The following PALLD variants were observed in gnomAD, a reference collection of about 807,000 sequenced individuals.
PALLD encodes palladin.
PALLD carries 61 observed loss-of-function variants against 123.5 expected under a neutral mutation model. That is an observed-to-expected ratio of 0.49 (90% CI 0.40 to 0.61). The LOEUF is 0.61. Ranked by LOEUF, PALLD falls within the 20% of genes least tolerant of loss-of-function variation. PALLD has a pLI of 0.00. For synonymous variants in PALLD, 465 were observed against 496.4 expected, an observed-to-expected ratio of 0.94 and a Z score of 0.84; for missense variants, 1,273 against 1,377.0, an observed-to-expected ratio of 0.92 and a Z score of 1.20.
At chr4:168,820,910 A>G (rs992928899) in intron 10 of PALLD, among the ~76,000 whole-genome samples, 1 of 152,230 alleles carries the variant, frequency 6.6e-6, no homozygotes, top group Non-Finnish European at 1.5e-5. Context: ...ATGTCATACC[A>G]GTGAAGGAAT....
At chr4:168,592,781 G>C (rs552578149) in intron 2 of PALLD, among the ~76,000 whole-genome samples, 15 of 151,392 alleles carry the variant, frequency 9.9e-5, no homozygotes, top group Non-Finnish European at 1.5e-4. Context: ...TTCTAACTTA[G>C]CCTGCTTGTC....
At chr4:168,599,393 C>A (rs1245785196) in intron 2 of PALLD, among the ~76,000 whole-genome samples, 5 of 152,088 alleles carry the variant, frequency 3.3e-5, no homozygotes, top group African/African-American at 4.8e-5. Context: ...GCAGCATGTA[C>A]CAAAATTTAG....
chr4:168,714,833 TG>T (rs2150228564), intron 10 of PALLD, among the ~76,000 whole-genome samples: 1 of 151,526 alleles, frequency 6.6e-6, no homozygotes, highest in Non-Finnish European at 1.5e-5. Flanking sequence ...GTCAGATGTC[TG>T]GGGGAAAGAA....
chr4:168,921,066 T>G (rs1464676643), intron 17 of PALLD, among the ~76,000 whole-genome samples: 1 of 151,944 alleles, frequency 6.6e-6, no homozygotes, highest in African/African-American at 2.4e-5. Flanking sequence ...AAGCCAAAGT[T>G]TAAAGCAAAA....
intron 1 of PALLD, among the ~76,000 whole-genome samples, chr4:168,499,961 A>G (rs539133330): frequency 6.6e-6 from 1 of 152,336 alleles, no homozygotes; most frequent in Non-Finnish European, 1.5e-5. Context: ...TTTTTAAAGT[A>G]ATTTCCTATA....
intron 11 of PALLD, among the ~76,000 whole-genome samples, chr4:168,892,139 C>CT (rs1560867855): frequency 6.6e-6 from 1 of 152,078 alleles, no homozygotes; most frequent in Non-Finnish European, 1.5e-5. Context: ...TGATGCTATC[C>CT]TTTTAAAATA....
chr4:168,837,876 A>G (rs763063735), intron 10 of PALLD, among the ~76,000 whole-genome samples: 9 of 152,216 alleles, frequency 5.9e-5, no homozygotes, highest in Non-Finnish European at 1.3e-4. Context: ...CTTATATGCC[A>G]GTGGAAAGAG....
At chr4:168,600,803 G>C (rs1772566407) in intron 2 of PALLD, among the ~76,000 whole-genome samples, 1 of 152,092 alleles carries the variant, frequency 6.6e-6, no homozygotes, top group African/African-American at 2.4e-5. Flanking sequence ...TACCAACAGG[G>C]CACAAGAGAC....
chr4:168,922,128 CA>C (rs1761700623), intron 18 of PALLD, among the ~76,000 whole-genome samples: 2 of 150,490 alleles, frequency 1.3e-5, no homozygotes, highest in Middle Eastern at 3.5e-3. Context: ...CACACACACA[CA>C]CACACACACA....
At chr4:168,797,015 G>A (rs2150652946) in intron 10 of PALLD, among the ~76,000 whole-genome samples, 1 of 152,148 alleles carries the variant, frequency 6.6e-6, no homozygotes, top group Non-Finnish European at 1.5e-5. Context: ...AATTTTACTT[G>A]TTTTATTTCC....
At chr4:168,504,453 G>C (rs1561182181) in intron 1 of PALLD, among the ~76,000 whole-genome samples, 1 of 152,100 alleles carries the variant, frequency 6.6e-6, no homozygotes, top group Admixed American at 6.5e-5. Context: ...AATCAGCTGG[G>C]AGTGGTGGCA....
chr4:168,923,181 A>G (rs1761923976), intron 18 of PALLD, among the ~76,000 whole-genome samples: 1 of 152,258 alleles, frequency 6.6e-6, no homozygotes. Flanking sequence ...GGAGCCCCAG[A>G]AAGAATACAA....
At chr4:168,793,332 TATATATGTGTGCATATATATAC>T (rs1455774847) in intron 10 of PALLD, among the ~76,000 whole-genome samples, 1 of 77,284 alleles carries the variant, frequency 1.3e-5, no homozygotes, top group African/African-American at 5.2e-5. Flanking sequence ...TATATATACA[TATATATGTGTGCATATATATAC>T]ATATATGTGT....
At chr4:168,578,160 A>G (rs1052430117) in intron 2 of PALLD, among the ~76,000 whole-genome samples, 1 of 152,078 alleles carries the variant, frequency 6.6e-6, no homozygotes, top group Non-Finnish European at 1.5e-5. Flanking sequence ...AGGGTCAGCA[A>G]TTTCCCTGGA....
At chr4:168,812,954 G>A (rs945152127) in intron 10 of PALLD, among the ~76,000 whole-genome samples, 2 of 151,266 alleles carry the variant, frequency 1.3e-5, no homozygotes, top group South Asian at 2.1e-4. Flanking sequence ...ATTCATCAGC[G>A]AGATCCCAGG....
intron 10 of PALLD, among the ~76,000 whole-genome samples, chr4:168,712,876 T>G (rs2150218654): frequency 6.6e-6 from 1 of 152,306 alleles, no homozygotes; most frequent in Admixed American, 6.5e-5. Context: ...TAGCCTACTC[T>G]TTTCTCTCTG....
Position 168,850,523 on chromosome 4 carries a change from C to CTTTTTTTTT in PALLD, c.1965-40379_1965-40371dup, listed in dbSNP as rs767777801. The stretch of plus-strand genomic sequence containing the variant: ...TATATAATTTGTAAGTCTGTCATTT[C>CTTTTTTTTT]TTTTTTTTTTTTTTTTTTTTTTTTT... On this transcript the variant is annotated intron_variant, in intron 10 of 21. Coordinates refer to ENST00000505667, the MANE Select transcript of PALLD (RefSeq NM_001166108.2). Among the ~76,000 whole-genome samples, 187 of 34,710 alleles carry CTTTTTTTTT rather than the reference C, an allele frequency of 5.4e-3. 39 individuals are homozygous for CTTTTTTTTT. The highest frequency in any genetic ancestry group is 5.7e-3 in the Non-Finnish European group (123 of 21,438). 22.8% of individuals were successfully genotyped at this position (34,710 alleles called of 152,430 possible).
chr4:168,852,942 TG>T (rs1320429129), intron 10 of PALLD, among the ~76,000 whole-genome samples: 1 of 152,230 alleles, frequency 6.6e-6, no homozygotes, highest in Non-Finnish European at 1.5e-5. Context: ...CTGCCTCAGT[TG>T]TTTTTGGTAA....
chr4:168,502,576 TA>T (rs1315549448), intron 1 of PALLD, among the ~76,000 whole-genome samples: 2 of 152,148 alleles, frequency 1.3e-5, no homozygotes, highest in Non-Finnish European at 2.9e-5. Context: ...CAACAGTTGA[TA>T]AAACAGAAGA....
Sources: allele counts gnomAD v4.1 joint callset (sites outside exome capture counted in the v4.1 genomes callset), GRCh38; gene constraint gnomAD v4.1.1; transcripts MANE v1.5; gene names NCBI Gene and HGNC (gene_info 2026-07-23, HGNC 2026-07-21).